LRRC69: variants seen among roughly 807,000 people sequenced by gnomAD.
LRRC69 encodes leucine-rich repeat-containing protein 69.
LRRC69 carries 42 observed loss-of-function variants against 37.8 expected under a neutral mutation model. The observed-to-expected ratio is 1.11, with a 90% CI of 0.87 to 1.44. The LOEUF is 1.44. Among genes scored for constraint, LRRC69 ranks in the 40% most tolerant of loss-of-function variants. The pLI is 0.00. For synonymous variants in LRRC69, 141 were observed against 143.1 expected (o/e 0.99, Z 0.11); for missense variants, 357 against 401.9 (o/e 0.89, Z 0.96).
In LRRC69 at chr8:91,215,855, A is replaced by G. The variant is rs112880258; in HGVS notation, c.934-3035A>G. 4.2e-3 allele frequency among the ~76,000 whole-genome samples: 636 copies of G among 152,280 alleles called. 2 individuals are homozygous for G. Among genetic ancestry groups the G allele is most frequent in the African/African-American group, 0.014 (599 of 41,578 alleles). On this transcript the variant is annotated intron_variant, in intron 7 of 7. Coordinates refer to ENST00000448384, the Ensembl canonical transcript of LRRC69. ...AGGGAGTGTCTTATTCCTTTGTAACATGCTCATTTCAAATGGACATATGTC... is the reference window on the plus strand; with the variant it reads ...AGGGAGTGTCTTATTCCTTTGTAACGTGCTCATTTCAAATGGACATATGTC...
intron 6 of LRRC69, among the ~76,000 whole-genome samples, chr8:91,194,820 G>A: frequency 6.6e-6 from 1 of 152,150 alleles, no homozygotes; most frequent in Non-Finnish European, 1.5e-5. Context: ...ATTTTTTGAA[G>A]GGTTTTTTGT....
intron 6 of LRRC69, among the ~76,000 whole-genome samples, chr8:91,197,167 C>G (rs887257604): frequency 4.6e-5 from 7 of 152,198 alleles, no homozygotes; most frequent in Non-Finnish European, 8.8e-5. Flanking sequence ...GGTCAGGGGT[C>G]AGGGACCCAC....
intron 7 of LRRC69, among the ~76,000 whole-genome samples, chr8:91,216,410 T>C (rs1810048832): frequency 6.6e-6 from 1 of 152,194 alleles, no homozygotes; most frequent in African/African-American, 2.4e-5. Flanking sequence ...ATGAAGAAAC[T>C]GGACAAAGCA....
intron 4 of LRRC69, 32 bp downstream of exon 4, chr8:91,133,337 TGTTG>T: frequency 6.9e-7 from 1 of 1,453,368 alleles, no homozygotes; most frequent in Non-Finnish European, 9.1e-7. Flanking sequence ...AGTAGTTTGC[TGTTG>T]GAGAAGAACT....
At chr8:91,183,019 C>T (rs551866129) in intron 5 of LRRC69, among the ~76,000 whole-genome samples, 23 of 152,158 alleles carry the variant, frequency 1.5e-4, no homozygotes, top group Admixed American at 4.6e-4. Context: ...AAGATACATT[C>T]CAGACAGAAG....
chr8:91,195,219 T>C (rs1402638604), intron 6 of LRRC69, among the ~76,000 whole-genome samples: 2 of 152,098 alleles, frequency 1.3e-5, no homozygotes, highest in Non-Finnish European at 2.9e-5. Context: ...TAGTTTGTTA[T>C]AATTTCTGTT....
intron 1 of LRRC69, among the ~76,000 whole-genome samples, chr8:91,109,344 C>T (rs1813372988): frequency 6.6e-6 from 1 of 152,098 alleles, no homozygotes; most frequent in Admixed American, 6.6e-5. Context: ...TGCCTTGACT[C>T]ATCTGAAAAG....
rs980464533 is a variant in LRRC69 at position 91,197,214 on chromosome 8, C to T, written c.754-3399C>T. Among the ~76,000 whole-genome samples, 109 of 152,228 alleles carry T rather than the reference C, an allele frequency of 7.2e-4. 1 individual carries two copies. The highest frequency in any genetic ancestry group is 2.3e-3 in the African/African-American group (96 of 41,536). ...GTCCGCCCATTCTCAGATCTCCAGC[C>T]GCGTGCTGGGAGAACCACTGCTCTC... On this transcript the variant is annotated intron_variant, in intron 6 of 7. Transcript: ENST00000448384.
chr8:91,162,081 A>G (rs1226861335), intron 5 of LRRC69, among the ~76,000 whole-genome samples: 1 of 151,314 alleles, frequency 6.6e-6, no homozygotes, highest in African/African-American at 2.4e-5. Flanking sequence ...TCCTCTTGTT[A>G]TTGATTCATA....
At chr8:91,137,589 A>G (rs1298661301) in intron 5 of LRRC69, among the ~76,000 whole-genome samples, 1 of 152,068 alleles carries the variant, frequency 6.6e-6, no homozygotes, top group African/African-American at 2.4e-5. Context: ...TCTGTACTTA[A>G]CAATTTTGAT....
At chr8:91,191,839 A>AT (rs962899883) in intron 6 of LRRC69, among the ~76,000 whole-genome samples, 26 of 150,548 alleles carry the variant, frequency 1.7e-4, no homozygotes, top group African/African-American at 3.9e-4. Flanking sequence ...ACAAAAGTTA[A>AT]TTTTTTTTTT....
At chr8:91,190,671 G>A (rs915709303) in intron 6 of LRRC69, among the ~76,000 whole-genome samples, 1 of 152,112 alleles carries the variant, frequency 6.6e-6, no homozygotes, top group African/African-American at 2.4e-5. Flanking sequence ...ATGGTATTCT[G>A]TATATGATGA....
At chr8:91,198,647 A>T (rs1179375758) in intron 6 of LRRC69, among the ~76,000 whole-genome samples, 1 of 152,204 alleles carries the variant, frequency 6.6e-6, no homozygotes, top group East Asian at 1.9e-4. Context: ...CAAATATTCT[A>T]AGAAAATAGC....
At position 91,210,568 on chromosome 8, in the gene LRRC69, C is replaced by G. The variant is rs757485165; in HGVS notation, c.934-8322C>G. On this transcript the variant is annotated intron_variant, in intron 7 of 7. Coordinates refer to ENST00000448384, the Ensembl canonical transcript of LRRC69. The stretch of plus-strand genomic sequence containing the variant: ...ACAGACACACACACACACAGACACA[C>G]ACACACACACACACACACACACACA... Among the ~76,000 whole-genome samples, 349 of 42,930 alleles carry G rather than the reference C, an allele frequency of 8.1e-3. 4 individuals carry two copies. The highest frequency in any genetic ancestry group is 0.019 in the Non-Finnish European group (250 of 13,330). The allele number at this position is 42,930 out of a possible 152,430, so 28.2% of individuals were successfully genotyped here. A position where few individuals can be genotyped will look rare whatever the true frequency, so the allele number is the denominator to read the frequency against.
intron 1 of LRRC69, among the ~76,000 whole-genome samples, chr8:91,112,676 C>G (rs1813428636): frequency 6.6e-6 from 1 of 151,942 alleles, no homozygotes; most frequent in Non-Finnish European, 1.5e-5. Flanking sequence ...ATATCTGGTA[C>G]AAGGAAAGAA....
rs113219519 is a variant in LRRC69, at chr8:91,151,102, C to T, written c.651+15363C>T. Reference sequence around the variant, plus strand: ...CTATTTCCTTCAGTTCTGCTCTGATCTTAGTTATTTCTTGCCTTCTGCTAG... The same window carrying T: ...CTATTTCCTTCAGTTCTGCTCTGATTTTAGTTATTTCTTGCCTTCTGCTAG... On this transcript the variant is annotated intron_variant, in intron 5 of 7. Transcript: ENST00000448384. 4.3e-3 allele frequency among the ~76,000 whole-genome samples: 651 copies of T among 151,900 alleles called. 1 individual carries two copies. Among genetic ancestry groups the T allele is most frequent in the African/African-American group, 0.015 (605 of 41,514 alleles).
At chr8:91,171,234 A>T (rs1809124692) in intron 5 of LRRC69, among the ~76,000 whole-genome samples, 1 of 152,014 alleles carries the variant, frequency 6.6e-6, no homozygotes, top group African/African-American at 2.4e-5. Flanking sequence ...CCCTTCACCC[A>T]GGACAATTGT....
intron 2 of LRRC69, among the ~76,000 whole-genome samples, chr8:91,125,017 A>T (rs1813694101): frequency 6.6e-6 from 1 of 151,854 alleles, no homozygotes; most frequent in South Asian, 2.1e-4. Context: ...TTTGATCAAG[A>T]TGCTAAACTT....
intron 1 of LRRC69, among the ~76,000 whole-genome samples, chr8:91,113,000 A>T (rs1246623239): frequency 3.3e-5 from 5 of 152,006 alleles, no homozygotes; most frequent in African/African-American, 1.2e-4. Context: ...TAAAGTACTC[A>T]CAAACAACCA....
Sources: gnomAD v4.1 joint callset for allele counts (sites outside exome capture counted in the v4.1 genomes callset) on GRCh38, gnomAD v4.1.1 for gene constraint, MANE v1.5 for transcripts, NCBI Gene and HGNC (gene_info 2026-07-23, HGNC 2026-07-21) for gene names.